FSTL3: variants seen among roughly 807,000 people sequenced by gnomAD.
FSTL3 encodes the protein follistatin-related protein 3.
Under a neutral mutation model 28.1 loss-of-function variants are expected in FSTL3, and 21 were observed. The ratio of observed to expected loss-of-function variants is 0.75; its 90% CI spans 0.53 to 1.08. The LOEUF is 1.08. Among genes scored for constraint, FSTL3 ranks in the 50% least tolerant of loss-of-function variants. FSTL3 has a pLI of 0.00. For synonymous variants in FSTL3, 199 were observed against 164.2 expected (o/e 1.21, Z -1.62); for missense variants, 400 against 380.9 (o/e 1.05, Z -0.42).
In FSTL3 at chr19:682,755, C is replaced by T. The variant is rs1381411891; in HGVS notation, c.*1047C>T. On this transcript the variant is annotated 3_prime_UTR_variant, in exon 5 of 5. Transcript: ENST00000166139. ...TGGAGCAGCCAGCGGCAGCTCAGAGCAGGGCACTGTGTCCGGCGGAGCCAA... is the reference window on the plus strand; with the variant it reads ...TGGAGCAGCCAGCGGCAGCTCAGAGTAGGGCACTGTGTCCGGCGGAGCCAA... 7.3e-5 allele frequency: 17 copies of T among 233,174 alleles called. No individual in the cohort carries two copies. Among genetic ancestry groups the T allele is most frequent in the Non-Finnish European group, 3.4e-5 (4 of 118,084 alleles). The allele number at this position is 233,174 out of a possible 1,614,324, so 14.4% of individuals were successfully genotyped here.
At position 682,563 on chromosome 19, in the gene FSTL3, G is replaced by A. The variant is rs1282476498; in HGVS notation, c.*855G>A. ...TCCAGCTTCCCCACTGCCTCTGTGTGCCCCTTTGCGTCCTGTGAAGGCCAT... is the reference window on the plus strand; with the variant it reads ...TCCAGCTTCCCCACTGCCTCTGTGTACCCCTTTGCGTCCTGTGAAGGCCAT... On this transcript the variant is annotated 3_prime_UTR_variant, in exon 5 of 5. Transcript: ENST00000166139. The A allele has an allele frequency of 2.1e-5, 5 of 233,836 alleles. No individual in the cohort carries two copies. The highest frequency in any genetic ancestry group is 5.6e-5 in the Admixed American group (1 of 17,794). The allele number at this position is 233,836 out of a possible 1,614,324, so 14.5% of individuals were successfully genotyped here.
In FSTL3 at chr19:681,917, G is replaced by A. The variant is rs976217289; in HGVS notation, c.*209G>A. On this transcript the variant is annotated 3_prime_UTR_variant, in exon 5 of 5. Transcript: ENST00000166139. Reference sequence around the variant, plus strand: ...CGGCTGGTGGGTGGGATAGACCTGCGTTCCGGACACTGAGCGCCTGATTTA... The same window carrying A: ...CGGCTGGTGGGTGGGATAGACCTGCATTCCGGACACTGAGCGCCTGATTTA... 7.2e-5 allele frequency: 43 copies of A among 601,032 alleles called. No homozygotes were observed. Among genetic ancestry groups the A allele is most frequent in the Admixed American group, 4.0e-4 (14 of 34,574 alleles). The allele number at this position is 601,032 out of a possible 1,614,324, so 37.2% of individuals were successfully genotyped here.
At chr19:679,859 G>A (rs2144799332) in intron 2 of FSTL3, among the ~76,000 whole-genome samples, 1 of 152,290 alleles carries the variant, frequency 6.6e-6, no homozygotes, top group South Asian at 2.1e-4. Context: ...GCCTGGCAAG[G>A]GCGGAACACC....
At chr19:677,761 C>T in intron 1 of FSTL3, 31 bp from the exon 2 acceptor site, 1 of 1,578,072 alleles carries the variant, frequency 6.3e-7, no homozygotes, top group Non-Finnish European at 8.6e-7. Flanking sequence ...CAGGAGTGGC[C>T]CAGGAGAGCA....
In FSTL3 at chr19:682,853, G is replaced by A. The variant is rs934849186; in HGVS notation, c.*1145G>A. The A allele has an allele frequency of 2.0e-4, 47 of 232,548 alleles. No homozygotes were observed. The highest frequency in any genetic ancestry group is 5.4e-4 in the South Asian group (3 of 5,530). The allele number at this position is 232,548 out of a possible 1,614,324, so 14.4% of individuals were successfully genotyped here. A position where few individuals can be genotyped will look rare whatever the true frequency, so the allele number is the denominator to read the frequency against. On this transcript the variant is annotated 3_prime_UTR_variant, in exon 5 of 5. Coordinates refer to ENST00000166139, the MANE Select transcript of FSTL3 (RefSeq NM_005860.3). Reference sequence around the variant, plus strand: ...CACTGGCCCCGAGGGGGGTGTAGACGCCAAGACTCACGCATGTGTGACATC... The same window carrying A: ...CACTGGCCCCGAGGGGGGTGTAGACACCAAGACTCACGCATGTGTGACATC...
chr19:676,397 G>A lies in FSTL3; in HGVS notation c.-27G>A. The A allele has an allele frequency of 4.3e-6, 4 of 939,814 alleles. No individual in the cohort carries two copies. Among genetic ancestry groups the A allele is most frequent in the Non-Finnish European group, 5.4e-6 (4 of 735,388 alleles). The allele number at this position is 939,814 out of a possible 1,614,324, so 58.2% of individuals were successfully genotyped here. A position where few individuals can be genotyped will look rare whatever the true frequency, so the allele number is the denominator to read the frequency against. ...AGCGCCGGCCGCGCGCTGGGAAGTCGGTGCCGCTGCCGTCTCTGCGTTCGC... is the reference window on the plus strand; with the variant it reads ...AGCGCCGGCCGCGCGCTGGGAAGTCAGTGCCGCTGCCGTCTCTGCGTTCGC... On this transcript the variant is annotated 5_prime_UTR_variant, in exon 1 of 5. Transcript: ENST00000166139.
chr19:678,741 C>T (rs149095739), intron 2 of FSTL3, among the ~76,000 whole-genome samples: 20 of 152,228 alleles, frequency 1.3e-4, no homozygotes, highest in African/African-American at 4.8e-4. Flanking sequence ...AAACTCCTGA[C>T]CTCAAGTGAT....
intron 2 of FSTL3, chr19:679,952 G>A (rs1486542144): frequency 5.0e-6 from 1 of 198,760 alleles, no homozygotes; most frequent in African/African-American, 2.3e-5. Flanking sequence ...CTGCAAGGAG[G>A]AGCGGCCCGG....
intron 1 of FSTL3, 85 bp downstream of exon 1, chr19:676,611 G>A (rs2031215074): frequency 3.5e-6 from 1 of 283,784 alleles, no homozygotes; most frequent in Non-Finnish European, 5.8e-6. Flanking sequence ...GTCGGGGGGC[G>A]CGGCGGCGGC....
rs200986019 is a variant in FSTL3 at position 681,723 on chromosome 19, C to A, written c.*15C>A. ...ACTTCGTGTGAGCCTGCAGGACAGG[C>A]CTGGGCCTGGTGCCCGAGGCCCCCC... On this transcript the variant is annotated 3_prime_UTR_variant, in exon 5 of 5. Transcript: ENST00000166139. The A allele has an allele frequency of 1.0e-5, 16 of 1,549,942 alleles. No individual in the cohort carries two copies. The highest frequency in any genetic ancestry group is 2.4e-5 in the East Asian group (1 of 41,220).
chr19:679,957 G>A (rs1321833971), intron 2 of FSTL3: 8 of 203,338 alleles, frequency 3.9e-5, no homozygotes, highest in Middle Eastern at 1.7e-3. Context: ...AGGAGGAGCG[G>A]CCCGGGGCTG....
intron 2 of FSTL3, among the ~76,000 whole-genome samples, chr19:679,030 A>G (rs2031270224): frequency 6.6e-6 from 1 of 152,026 alleles, no homozygotes; most frequent in Non-Finnish European, 1.5e-5. Context: ...GGCCTCTGAG[A>G]TGTGATTAAT....
intron 3 of FSTL3, 24 bp downstream of exon 3, chr19:680,513 A>AGGGGC (rs2031306644): frequency 1.0e-6 from 1 of 971,746 alleles, no homozygotes; most frequent in Non-Finnish European, 1.2e-6. Flanking sequence ...TGGTCTGTGG[A>AGGGGC]GGGGCGGGGC....
chr19:680,238 C>G (rs1257506050), intron 2 of FSTL3, 36 bp from the exon 3 acceptor site: 1 of 1,301,092 alleles, frequency 7.7e-7, no homozygotes, highest in Non-Finnish European at 9.8e-7. Context: ...GGGACCCTCC[C>G]GCGCCCGGCC....
intron 1 of FSTL3, 67 bp downstream of exon 1, chr19:676,593 G>A (rs898282907): frequency 1.3e-5 from 7 of 523,684 alleles, no homozygotes; most frequent in African/African-American, 8.2e-5. Flanking sequence ...GAATGCGGCC[G>A]GGGGGACGTC....
rs959336749 is a variant in FSTL3, at chr19:680,267, T to C, written c.290-7T>C. On this transcript the variant is annotated splice_region_variant and splice_polypyrimidine_tract_variant and intron_variant, in intron 2 of 4. Coordinates refer to ENST00000166139, the MANE Select transcript of FSTL3 (RefSeq NM_005860.3). ...CCCGGCCCCACGCGCGTGTCCTCTG[T>C]CCGCAGATTCGTGCGACGGCGTGGA... 14 of 1,333,244 alleles carry C rather than the reference T, an allele frequency of 1.1e-5. No individual in the cohort carries two copies. The highest frequency in any genetic ancestry group is 7.2e-5 in the Admixed American group (2 of 27,864). The allele number at this position is 1,333,244 out of a possible 1,614,324, so 82.6% of individuals were successfully genotyped here. A position where few individuals can be genotyped will look rare whatever the true frequency, so the allele number is the denominator to read the frequency against.
In FSTL3 at chr19:681,303, C is replaced by T. The variant is rs77064043; in HGVS notation, c.506-30C>T. 73 of 1,483,302 alleles carry T rather than the reference C, an allele frequency of 4.9e-5. No homozygotes were observed. The African/African-American group carries it at 9.0e-4, about 18-fold the overall frequency. The allele number at this position is 1,483,302 out of a possible 1,614,324, so 91.9% of individuals were successfully genotyped here. A position where few individuals can be genotyped will look rare whatever the true frequency, so the allele number is the denominator to read the frequency against. ...CTGCGGGGTTCTCAGCGAGATGTCCCCTGAACTTCCCCTGGCACCCGGCCT... is the reference window on the plus strand; with the variant it reads ...CTGCGGGGTTCTCAGCGAGATGTCCTCTGAACTTCCCCTGGCACCCGGCCT... On this transcript the variant is annotated intron_variant, in intron 3 of 4. Transcript: ENST00000166139.
chr19:680,416 C>T lies in FSTL3; in HGVS notation c.432C>T (p.Asp144=), dbSNP rs1600660243. Residue 144 remains aspartate (D), a synonymous_variant, in exon 3 of 5, where the codon GAC becomes GAT. Transcript: ENST00000166139. Reference sequence around the variant, plus strand: ...GCTCAGACGGCGCCACCTACCGCGACGAGTGCGAGCTGCGCGCCGCGCGCT... The same window carrying T: ...GCTCAGACGGCGCCACCTACCGCGATGAGTGCGAGCTGCGCGCCGCGCGCT... The part of the protein sequence containing the change: ...VCGSDGATYR[D]ECELRAARCR... 7.1e-6 allele frequency: 9 copies of T among 1,270,662 alleles called. No individual in the cohort carries two copies. Among genetic ancestry groups the T allele is most frequent in the Non-Finnish European group, 7.9e-6 (8 of 1,010,552 alleles). 78.7% of individuals were successfully genotyped at this position (1,270,662 alleles called of 1,614,324 possible). A position where few individuals can be genotyped will look rare whatever the true frequency, so the allele number is the denominator to read the frequency against.
At chr19:676,939 C>T (rs1035255970) in intron 1 of FSTL3, among the ~76,000 whole-genome samples, 4 of 152,090 alleles carry the variant, frequency 2.6e-5, no homozygotes, top group South Asian at 2.1e-4. Context: ...GCCAGGCCCT[C>T]CAGCTGGGGC....
Sources: gnomAD v4.1 joint callset for allele counts (sites outside exome capture counted in the v4.1 genomes callset) on GRCh38, gnomAD v4.1.1 for gene constraint, MANE v1.5 for transcripts, NCBI Gene and HGNC (gene_info 2026-07-23, HGNC 2026-07-21) for gene names.